CANX: variants seen among roughly 807,000 people sequenced by gnomAD.
The protein encoded by CANX is calnexin, also known as epididymis secretory sperm binding protein.
A neutral mutation model predicts 75.7 loss-of-function variants in CANX; 14 were observed. The observed-to-expected ratio is 0.19, with a 90% CI of 0.12 to 0.29. CANX has a LOEUF of 0.29. Ranked by LOEUF, CANX falls within the 10% of genes least tolerant of loss-of-function variation. The pLI is 1.00. For missense variants in CANX, 567 were observed against 713.2 expected (o/e 0.79, Z 2.34); for synonymous variants, 227 against 236.9 (o/e 0.96, Z 0.38).
At chr5:179,722,538 A>G (rs1778378287) in intron 10 of CANX, among the ~76,000 whole-genome samples, 1 of 152,194 alleles carries the variant, frequency 6.6e-6, no homozygotes, top group Non-Finnish European at 1.5e-5. Flanking sequence ...AGGCTGTTGA[A>G]TGGGCCAGGA....
chr5:179,718,988 A>G (rs1021648939), intron 8 of CANX, among the ~76,000 whole-genome samples: 21 of 146,438 alleles, frequency 1.4e-4, no homozygotes, highest in African/African-American at 5.1e-4. Flanking sequence ...TTTTTTTACT[A>G]GAGACTGGGT....
chr5:179,709,814 C>A, intron 6 of CANX, 59 bp from the exon 7 acceptor site: 1 of 1,089,992 alleles, frequency 9.2e-7, no homozygotes, highest in Non-Finnish European at 1.3e-6. Context: ...ACTTTTGAAA[C>A]GTTGCTTTTG....
chr5:179,683,946 A>G (rs1026083294), intron 1 of CANX, among the ~76,000 whole-genome samples: 10 of 152,064 alleles, frequency 6.6e-5, no homozygotes, highest in African/African-American at 2.2e-4. Flanking sequence ...GTAGTATTTC[A>G]TTGTATGGAA....
chr5:179,715,776 G>A (rs972834838), intron 7 of CANX: 1 of 357,136 alleles, frequency 2.8e-6, no homozygotes, highest in Non-Finnish European at 5.3e-6. Flanking sequence ...TGGTGTATAT[G>A]TGTAAGCCCA....
intron 7 of CANX, chr5:179,715,886 C>T (rs1486545350): frequency 6.6e-6 from 4 of 602,386 alleles, no homozygotes; most frequent in African/African-American, 5.7e-5. Flanking sequence ...CTATCATTTG[C>T]TGTAATTCTT....
chr5:179,710,931 G>A (rs1296023201), intron 7 of CANX, among the ~76,000 whole-genome samples: 1 of 151,172 alleles, frequency 6.6e-6, no homozygotes, highest in Admixed American at 6.6e-5. Flanking sequence ...TGAGTAGCTG[G>A]TGTAATCCTA....
At chr5:179,698,850 G>A (rs115239999), upstream of CANX, 4,388 of 1,002,402 alleles carry the variant, frequency 4.4e-3, 142 homozygotes, top group African/African-American at 0.071. Context: ...GCCCACGCCG[G>A]CCAACCGGAT....
At chr5:179,694,495 C>T (rs1464621560), upstream of CANX, 35 of 749,920 alleles carry the variant, frequency 4.7e-5, no homozygotes, top group East Asian at 7.8e-4. Flanking sequence ...CTGTTCTCTT[C>T]GGAAATCCGC....
intron 10 of CANX, 87 bp from the exon 11 acceptor site, chr5:179,722,717 C>G (rs1778390631): frequency 3.0e-5 from 24 of 802,768 alleles, no homozygotes; most frequent in Non-Finnish European, 4.9e-5. Context: ...CTCCATTGTT[C>G]ATGCAAAATT....
chr5:179,712,575 C>CGG (rs967753085), intron 7 of CANX, among the ~76,000 whole-genome samples: 2 of 149,588 alleles, frequency 1.3e-5, no homozygotes, highest in Admixed American at 1.3e-4. Context: ...TGTGCCACCA[C>CGG]GCCTGGCTAA....
chr5:179,713,072 A>G (rs921862729), intron 7 of CANX, among the ~76,000 whole-genome samples: 1 of 151,464 alleles, frequency 6.6e-6, no homozygotes, highest in Non-Finnish European at 1.5e-5. Context: ...CCCAGCCTAG[A>G]ATATAACAAC....
At position 179,701,538 on chromosome 5, in the gene CANX, C is replaced by T. The variant is rs1021112426; in HGVS notation, c.-4+2436C>T. On this transcript the variant is annotated intron_variant, in intron 1 of 14. Coordinates refer to ENST00000247461, the MANE Select transcript of CANX (RefSeq NM_001746.4). ...TGAGCGGAGATGGTTCCATTGCACT[C>T]CAGCCTGGGTGACAGAGTGAGACTC... Among the ~76,000 whole-genome samples, 64 of 151,460 alleles carry T rather than the reference C, an allele frequency of 4.2e-4. 1 individual carries two copies. The highest frequency in any genetic ancestry group is 6.6e-5 in the Admixed American group (1 of 15,150).
chr5:179,689,665 C>T (rs1449305007), intron 1 of CANX, among the ~76,000 whole-genome samples: 3 of 152,172 alleles, frequency 2.0e-5, no homozygotes, highest in Admixed American at 1.3e-4. Flanking sequence ...GTTGGGATTA[C>T]AGGCGTGAGC....
At chr5:179,678,815 C>A (rs375782480) in intron 1 of CANX, 51 of 1,536,902 alleles carry the variant, frequency 3.3e-5, no homozygotes, top group Non-Finnish European at 4.4e-5. Context: ...GCTTTTGGAC[C>A]GCTGCACCTG....
In CANX at chr5:179,705,542, A is replaced by G. The variant is rs1292686410; in HGVS notation, c.-3-137A>G. 5.9e-5 allele frequency: 40 copies of G among 676,384 alleles called. No homozygotes were observed. The South Asian group carries it at 7.5e-4, about 13-fold the overall frequency. The allele number at this position is 676,384 out of a possible 1,614,324, so 41.9% of individuals were successfully genotyped here. ...TAATCTCTCTAGGCTGCCTTTCTTT[A>G]TCTATGAAATGAAATAGTAAGTTCT... is the stretch of plus-strand genomic sequence containing the variant. On this transcript the variant is annotated intron_variant, in intron 1 of 14. Transcript: ENST00000247461.
At chr5:179,695,215 ATTTT>A (rs1370212110), upstream of CANX, among the ~76,000 whole-genome samples, 2 of 151,644 alleles carry the variant, frequency 1.3e-5, no homozygotes, top group Non-Finnish European at 2.9e-5. Flanking sequence ...CACCCGGCTA[ATTTT>A]TTTGTGTGTG....
intron 7 of CANX, among the ~76,000 whole-genome samples, chr5:179,712,775 G>A (rs1046175450): frequency 2.6e-5 from 4 of 151,454 alleles, no homozygotes; most frequent in South Asian, 2.1e-4. Flanking sequence ...CCAGGTGGGC[G>A]TGCAGTGGCG....
chr5:179,711,220 TC>T (rs1403199462), intron 7 of CANX, among the ~76,000 whole-genome samples: 1 of 152,074 alleles, frequency 6.6e-6, no homozygotes, highest in Non-Finnish European at 1.5e-5. Context: ...GTCCAGGAGT[TC>T]CAAACCAGCC....
At chr5:179,698,397 C>CGGCTCACACAGCGCGGAGCA (rs1776485198), upstream of CANX, 2 of 1,221,318 alleles carry the variant, frequency 1.6e-6, no homozygotes, top group Non-Finnish European at 2.1e-6. Context: ...ACTGCGGCGC[C>CGGCTCACACAGCGCGGAGCA]GGCTCACACA....
Sources: gnomAD v4.1 joint callset for allele counts (sites outside exome capture counted in the v4.1 genomes callset) on GRCh38, gnomAD v4.1.1 for gene constraint, MANE v1.5 for transcripts, NCBI Gene and HGNC (gene_info 2026-07-23, HGNC 2026-07-21) for gene names.